The following UGT2B4 variants were observed in gnomAD, a reference collection of about 807,000 sequenced individuals.
UGT2B4 encodes UDP-glucuronosyltransferase 2B4.
UGT2B4 carries 49 observed loss-of-function variants against 49.8 expected under a neutral mutation model. That is an observed-to-expected ratio of 0.98 (90% CI 0.78 to 1.25). The LOEUF (loss-of-function observed/expected upper bound fraction) is 1.25. Ranked by LOEUF, UGT2B4 falls within the 50% of genes most tolerant of loss-of-function variation. The probability of loss-of-function intolerance (pLI) is 0.00; values close to 1 mark genes in which losing one functional copy is unlikely to be tolerated. For missense variants in UGT2B4, 729 were observed against 627.7 expected (o/e 1.16, Z -1.73); for synonymous variants, 246 against 217.7 (o/e 1.13, Z -1.14).
At chr4:69,519,746 T>A (rs994146778) in intron 1 of UGT2B4, among the ~76,000 whole-genome samples, 1 of 152,224 alleles carries the variant, frequency 6.6e-6, no homozygotes, top group African/African-American at 2.4e-5. Flanking sequence ...TGAGAGTTAA[T>A]CTTCACAGGT....
rs138019544 is a variant in UGT2B4 at position 69,508,498 on chromosome 4, A to G, written c.-105-12532T>C. Among the ~76,000 whole-genome samples the G allele has an allele frequency of 1.1e-3, 163 of 152,338 alleles. 2 individuals are homozygous for G. Among genetic ancestry groups the G allele is most frequent in the Non-Finnish European group, 2.1e-3 (141 of 68,026 alleles). ...TGGATAAAGAATATGTGGTACCTAT[A>G]CACTATAGAATTCAATGCAGCCAGG... On this transcript the variant is annotated intron_variant, in intron 1 of 1. Coordinates refer to the UGT2B4 transcript ENST00000510114.
At chr4:69,492,337 T>C (rs1728013953) in intron 2 of UGT2B4, among the ~76,000 whole-genome samples, 1 of 152,062 alleles carries the variant, frequency 6.6e-6, no homozygotes, top group African/African-American at 2.4e-5. Flanking sequence ...AATGCTTTAG[T>C]AAAATCAAGT....
At chr4:69,486,974 A>G (rs1727805951) in intron 3 of UGT2B4, among the ~76,000 whole-genome samples, 1 of 152,212 alleles carries the variant, frequency 6.6e-6, no homozygotes, top group Non-Finnish European at 1.5e-5. Context: ...AAAGAAAACT[A>G]TATGTGGCAA....
At chr4:69,502,118 T>TTTCTTTC (rs1728344942) in intron 1 of UGT2B4, among the ~76,000 whole-genome samples, 2 of 135,720 alleles carry the variant, frequency 1.5e-5, no homozygotes, top group Admixed American at 7.5e-5. Context: ...TCTTTCTTTC[T>TTTCTTTC]TTCTTTCTTT....
chr4:69,500,606 G>GAAAGCAAGGAAGA (rs1728282840), upstream of UGT2B4, among the ~76,000 whole-genome samples: 1 of 99,598 alleles, frequency 1.0e-5, no homozygotes, highest in African/African-American at 4.3e-5. Context: ...AGAAAGCAAG[G>GAAAGCAAGGAAGA]AAGAAAGAAA....
chr4:69,514,372 A>G (rs1396801591), intron 1 of UGT2B4, among the ~76,000 whole-genome samples: 1 of 152,110 alleles, frequency 6.6e-6, no homozygotes, highest in Non-Finnish European at 1.5e-5. Flanking sequence ...GTTTGCTGAG[A>G]TGATGGGGTT....
upstream of UGT2B4, among the ~76,000 whole-genome samples, chr4:69,498,627 A>G (rs1036643168): frequency 8.6e-5 from 13 of 151,476 alleles, no homozygotes; most frequent in African/African-American, 2.9e-4. Context: ...GAATTTATCT[A>G]CTTCTAGATT....
At chr4:69,492,872 A>G (rs748801037) in intron 2 of UGT2B4, among the ~76,000 whole-genome samples, 7 of 152,060 alleles carry the variant, frequency 4.6e-5, no homozygotes, top group Non-Finnish European at 8.8e-5. Context: ...AATTTCCTCA[A>G]TGGTCAGCTC....
At chr4:69,520,833 C>A (rs1389984091) in intron 1 of UGT2B4, among the ~76,000 whole-genome samples, 2 of 152,164 alleles carry the variant, frequency 1.3e-5, no homozygotes, top group African/African-American at 4.8e-5. Context: ...GACAGACAGA[C>A]TCCTGGGCGG....
Position 69,493,858 on chromosome 4 carries a change from A to G in UGT2B4, c.722-17T>C. ...TGGGTCTTCCTGATGGGGGAAAAAA[A>G]AAGAAAAGATAGATGACACAAGATA... On this transcript the variant is annotated splice_polypyrimidine_tract_variant and intron_variant, in intron 1 of 5. Coordinates refer to ENST00000305107, the MANE Select transcript of UGT2B4 (RefSeq NM_021139.3). 1 of 1,582,544 alleles carries G rather than the reference A, an allele frequency of 6.3e-7. No individual in the cohort carries two copies. Among genetic ancestry groups the G allele is most frequent in the East Asian group, 2.3e-5 (1 of 43,428 alleles).
intron 3 of UGT2B4, 131 bp downstream of exon 3, chr4:69,489,308 T>C (rs1727907584): frequency 7.9e-7 from 1 of 1,259,672 alleles, no homozygotes; most frequent in African/African-American, 1.5e-5. Context: ...GATTTTGAAT[T>C]AATATCTGAG....
At chr4:69,522,871 T>C (rs1435120897) in intron 1 of UGT2B4, among the ~76,000 whole-genome samples, 1 of 152,212 alleles carries the variant, frequency 6.6e-6, no homozygotes, top group Non-Finnish European at 1.5e-5. Flanking sequence ...AGCATGTTTA[T>C]GTAACATTCC....
chr4:69,519,237 C>A (rs940080747), intron 1 of UGT2B4, among the ~76,000 whole-genome samples: 1 of 152,112 alleles, frequency 6.6e-6, no homozygotes, highest in Admixed American at 6.5e-5. Context: ...GTAATTCTAA[C>A]AGACAGCCAT....
In UGT2B4 at chr4:69,495,362, G is replaced by GAT; in HGVS notation, c.499_500insAT (p.Pro167HisfsTer36). 6.2e-7 allele frequency: 1 copy of GAT among 1,613,768 alleles called. No homozygotes were observed. The highest frequency in any genetic ancestry group is 1.7e-5 in the Admixed American group (1 of 59,948). On this transcript the variant is annotated frameshift_variant, in exon 1 of 6. Coordinates refer to ENST00000305107, the MANE Select transcript of UGT2B4 (RefSeq NM_021139.3). LOFTEE classifies it high-confidence loss of function. The stretch of plus-strand genomic sequence containing the variant: ...AGAGAAGCGGAGGCTGTAGACAAAG[G>GAT]GTATTTTAAGTAACTCGGCCAGCAG...
intron 1 of UGT2B4, among the ~76,000 whole-genome samples, chr4:69,515,863 A>G (rs2010048): frequency 0.95 from 144,338 of 152,232 alleles, 68,909 homozygotes; most frequent in East Asian, 1. Context: ...TTTAAAACAC[A>G]GGGTACATGT....
At chr4:69,489,987 A>G (rs1487784279) in intron 2 of UGT2B4, among the ~76,000 whole-genome samples, 2 of 152,124 alleles carry the variant, frequency 1.3e-5, no homozygotes, top group Non-Finnish European at 2.9e-5. Context: ...GAATTATTTT[A>G]GTTTGAAGTC....
chr4:69,525,061 A>C (rs944452503), intron 1 of UGT2B4, among the ~76,000 whole-genome samples: 3 of 152,228 alleles, frequency 2.0e-5, no homozygotes, highest in Non-Finnish European at 2.9e-5. Context: ...GAGACCTTAC[A>C]TAGCTTTGTA....
At chr4:69,512,749 TTTTG>T (rs1232418947) in intron 1 of UGT2B4, among the ~76,000 whole-genome samples, 1 of 152,162 alleles carries the variant, frequency 6.6e-6, no homozygotes, top group African/African-American at 2.4e-5. Context: ...TTTTGTTTTG[TTTTG>T]TTTGACTTTT....
chr4:69,525,347 G>T (rs1488584639), intron 1 of UGT2B4, among the ~76,000 whole-genome samples: 1 of 152,088 alleles, frequency 6.6e-6, no homozygotes, highest in Non-Finnish European at 1.5e-5. Context: ...AATACTGACT[G>T]CATCTGAGAC....
Sources: gnomAD v4.1 joint callset for allele counts (sites outside exome capture counted in the v4.1 genomes callset) on GRCh38, gnomAD v4.1.1 for gene constraint, MANE v1.5 for transcripts, NCBI Gene and HGNC (gene_info 2026-07-23, HGNC 2026-07-21) for gene names.